MMRN2: variants seen among roughly 807,000 people sequenced by gnomAD.
The protein encoded by MMRN2 is multimerin 2.
In MMRN2, 53 loss-of-function variants were observed where a neutral mutation model predicts 68.8. The ratio of observed to expected loss-of-function variants is 0.77; its 90% CI spans 0.62 to 0.97. The LOEUF (loss-of-function observed/expected upper bound fraction) is 0.97. Among genes scored for constraint, MMRN2 ranks in the 50% least tolerant of loss-of-function variants. MMRN2 has a pLI of 0.00. For synonymous variants in MMRN2, 564 were observed against 551.6 expected, an observed-to-expected ratio of 1.02 and a Z score of -0.32; for missense variants, 1,266 against 1,259.5, an observed-to-expected ratio of 1.01 and a Z score of -0.08.
Position 86,936,669 on chromosome 10 carries a change from C to T in MMRN2, c.*74G>A. 2 of 1,550,190 alleles carry T rather than the reference C, an allele frequency of 1.3e-6. No homozygotes were observed. Among genetic ancestry groups the T allele is most frequent in the South Asian group, 2.4e-5 (2 of 82,918 alleles). ...ACAGACCAACTGAATGACCTCCAGC[C>T]CATCCTTGGCCAGAGCCCCAGGCCG... On this transcript the variant is annotated 3_prime_UTR_variant, in exon 7 of 7. Transcript: ENST00000372027.
At chr10:86,937,452 C>CTTTT (rs34239768) in intron 6 of MMRN2, among the ~76,000 whole-genome samples, 1 of 146,522 alleles carries the variant, frequency 6.8e-6, no homozygotes, top group African/African-American at 2.5e-5. Flanking sequence ...CACTGCAGCC[C>CTTTT]TTTTTTTTTT....
At chr10:86,950,941 A>G (rs1844136650) in intron 1 of MMRN2, among the ~76,000 whole-genome samples, 1 of 152,100 alleles carries the variant, frequency 6.6e-6, no homozygotes, top group South Asian at 2.1e-4. Flanking sequence ...TAGGAATGAG[A>G]TCTAGCTCAT....
chr10:86,947,167 A>C (rs1844081669), intron 1 of MMRN2, among the ~76,000 whole-genome samples: 1 of 152,138 alleles, frequency 6.6e-6, no homozygotes, highest in Non-Finnish European at 1.5e-5. Flanking sequence ...GGGAGAGATG[A>C]TGGCAACTTG....
At chr10:86,944,558 A>C in intron 4 of MMRN2, 123 bp from the exon 5 acceptor site, 2 of 1,099,550 alleles carry the variant, frequency 1.8e-6, no homozygotes, top group Non-Finnish European at 2.6e-6. Context: ...TCCTCTGAGC[A>C]GGAGCTTAGA....
chr10:86,947,845 G>C (rs1844090655), intron 1 of MMRN2, among the ~76,000 whole-genome samples: 1 of 152,200 alleles, frequency 6.6e-6, no homozygotes, highest in South Asian at 2.1e-4. Context: ...AAATGGGTAA[G>C]AAAGGAGTAT....
At chr10:86,953,376 G>A (rs1211568234) in intron 1 of MMRN2, among the ~76,000 whole-genome samples, 2 of 152,162 alleles carry the variant, frequency 1.3e-5, no homozygotes, top group Non-Finnish European at 1.5e-5. Context: ...ACAGGTGTAA[G>A]AAATTATAAG....
intron 1 of MMRN2, 77 bp from the exon 2 acceptor site, chr10:86,945,766 C>T (rs778284539): frequency 1.0e-5 from 16 of 1,603,226 alleles, no homozygotes; most frequent in Non-Finnish European, 1.4e-5. Context: ...AGCCACCGGT[C>T]CTCGCCTCCT....
intron 1 of MMRN2, among the ~76,000 whole-genome samples, chr10:86,948,398 AC>A (rs1168063882): frequency 2.0e-5 from 3 of 152,148 alleles, no homozygotes; most frequent in Non-Finnish European, 4.4e-5. Flanking sequence ...TATGAAAAAA[AC>A]AAATGAGGGG....
At chr10:86,947,177 G>A (rs1002452339) in intron 1 of MMRN2, among the ~76,000 whole-genome samples, 1 of 152,138 alleles carries the variant, frequency 6.6e-6, no homozygotes, top group Admixed American at 6.5e-5. Context: ...ATGGCAACTT[G>A]GACTGAGTGA....
At chr10:86,956,237 A>G (rs2133690221) in intron 1 of MMRN2, among the ~76,000 whole-genome samples, 1 of 144,166 alleles carries the variant, frequency 6.9e-6, no homozygotes, top group African/African-American at 2.6e-5. Context: ...AGGTTTCTCC[A>G]TGGCCAACTG....
intron 1 of MMRN2, 87 bp downstream of exon 1, chr10:86,957,291 C>A (rs1844250393): frequency 7.2e-7 from 1 of 1,387,860 alleles, no homozygotes; most frequent in Non-Finnish European, 1.0e-6. Context: ...AGATGGGACC[C>A]CAGTGAGGTC....
intron 6 of MMRN2, among the ~76,000 whole-genome samples, chr10:86,937,595 T>A (rs1843899491): frequency 6.6e-6 from 1 of 152,110 alleles, no homozygotes; most frequent in African/African-American, 2.4e-5. Flanking sequence ...ACAAAGCACT[T>A]TCTCGTTTGA....
At chr10:86,938,774 A>G (rs1843914323) in intron 6 of MMRN2, among the ~76,000 whole-genome samples, 1 of 152,226 alleles carries the variant, frequency 6.6e-6, no homozygotes, top group African/African-American at 2.4e-5. Flanking sequence ...CAATCCAGCA[A>G]GCCTTTGTGA....
chr10:86,939,838 TTTGTG>T lies in MMRN2; in HGVS notation c.2467+2474_2467+2478del, dbSNP rs1564730652. Among the ~76,000 whole-genome samples the T allele has an allele frequency of 1.9e-3, 250 of 129,360 alleles. 1 individual carries two copies. The highest frequency in any genetic ancestry group is 7.0e-3 in the African/African-American group (238 of 33,780). 84.9% of individuals were successfully genotyped at this position (129,360 alleles called of 152,430 possible). The stretch of plus-strand genomic sequence containing the variant: ...GTGTGTGTGTGTGTGTGTGTGTGTG[TTTGTG>T]TGTGTGTGTGTGTGTGTGTGTGTTT... On this transcript the variant is annotated intron_variant, in intron 6 of 6. Coordinates refer to ENST00000372027, the MANE Select transcript of MMRN2 (RefSeq NM_024756.3).
At position 86,937,101 on chromosome 10, in the gene MMRN2, C is replaced by T. The variant is rs772919476; in HGVS notation, c.2492G>A (p.Ser831Asn). Residue 831 changes from serine to asparagine, a missense_variant, in exon 7 of 7, where the codon AGC (serine) becomes AAC (asparagine). By Grantham distance (46) the Ser-to-Asn change is conservative. Coordinates refer to ENST00000372027, the MANE Select transcript of MMRN2 (RefSeq NM_024756.3). The part of the protein sequence containing the change: ...EAGSPVAFYA[S>N]FSEGTAALQT... ...CAGGGCAGCCGTCCCTTCTGAAAAGCTGGCATAGAAGGCCACAGGGGATCC... is the reference window on the plus strand; with the variant it reads ...CAGGGCAGCCGTCCCTTCTGAAAAGTTGGCATAGAAGGCCACAGGGGATCC... 6.2e-7 allele frequency: 1 copy of T among 1,614,186 alleles called. No individual in the cohort carries two copies. Among genetic ancestry groups the T allele is most frequent in the Non-Finnish European group, 8.5e-7 (1 of 1,180,020 alleles).
At chr10:86,945,720 G>T in intron 1 of MMRN2, 31 bp from the exon 2 acceptor site, 2 of 1,613,422 alleles carry the variant, frequency 1.2e-6, no homozygotes, top group South Asian at 1.1e-5. Context: ...GAAGGCTGCT[G>T]AGCCACACCC....
Position 86,939,806 on chromosome 10 carries a change from GGTGTGTGTGTGT to G in MMRN2, c.2467+2499_2467+2510del, listed in dbSNP as rs769816445. ...TACAAACAAATAAAGGGAAATTTGGGGTGTGTGTGTGTGTGTGTGTGTGTGTGTGTGTTTGTG... is the reference window on the plus strand; with the variant it reads ...TACAAACAAATAAAGGGAAATTTGGGGTGTGTGTGTGTGTGTGTGTTTGTG... On this transcript the variant is annotated intron_variant, in intron 6 of 6. Transcript: ENST00000372027. Among the ~76,000 whole-genome samples the G allele has an allele frequency of 2.3e-3, 336 of 146,724 alleles. 1 individual carries two copies. Among genetic ancestry groups the G allele is most frequent in the Middle Eastern group, 3.4e-3 (1 of 290 alleles).
At chr10:86,939,634 G>A (rs969071868) in intron 6 of MMRN2, among the ~76,000 whole-genome samples, 2 of 152,084 alleles carry the variant, frequency 1.3e-5, no homozygotes, top group Non-Finnish European at 2.9e-5. Flanking sequence ...CGTTCCGTCC[G>A]GGCGCCTGCG....
chr10:86,943,529 A>T lies in MMRN2; in HGVS notation c.1255T>A (p.Ser419Thr). ...CTAATCTGATCGAAAGTCTCGTCCGATTCGGAGTACAGTTCCTTGATCTCA... is the reference window on the plus strand; with the variant it reads ...CTAATCTGATCGAAAGTCTCGTCCGTTTCGGAGTACAGTTCCTTGATCTCA... Reference protein sequence around the residue: ...VDEIKELYSESDETFDQISKV... With the variant: ...VDEIKELYSETDETFDQISKV... The change falls in exon 6 of 7, where the codon TCG becomes ACG. Residue 419 changes from serine (S) to threonine (T), a missense_variant. Physicochemically the swap from Ser to Thr is moderately conservative, Grantham distance 58. Coordinates refer to ENST00000372027, the MANE Select transcript of MMRN2 (RefSeq NM_024756.3). The surrounding 1 kb of genome is among the most constrained non-coding windows in gnomAD (Gnocchi z 4.2). The T allele has an allele frequency of 6.2e-7, 1 of 1,614,188 alleles. No individual in the cohort carries two copies. Among genetic ancestry groups the T allele is most frequent in the East Asian group, 2.2e-5 (1 of 44,872 alleles).
Sources: gnomAD v4.1 joint callset for allele counts (sites outside exome capture counted in the v4.1 genomes callset) on GRCh38, gnomAD v4.1.1 for gene constraint, Gnocchi (gnomAD v3.1) non-coding constraint, MANE v1.5 for transcripts, NCBI Gene and HGNC (gene_info 2026-07-23, HGNC 2026-07-21) for gene names.